The following CHODL variants were observed in gnomAD, a reference collection of about 807,000 sequenced individuals.
The protein encoded by CHODL is chondrolectin.
In CHODL, 29 loss-of-function variants were observed where a neutral mutation model predicts 34.5. The ratio of observed to expected loss-of-function variants is 0.84; its 90% CI spans 0.63 to 1.15. The LOEUF (loss-of-function observed/expected upper bound fraction) is 1.15. CHODL is among the 50% of genes most tolerant of loss of function. The pLI, the probability that CHODL is intolerant of heterozygous loss-of-function variation, is 0.00. For synonymous variants in CHODL, 125 were observed against 116.1 expected, an observed-to-expected ratio of 1.08 and a Z score of -0.49; for missense variants, 332 against 332.5, an observed-to-expected ratio of 1.00 and a Z score of 0.01.
rs142388783 is a variant in CHODL, at chr21:18,238,582, A to G, written c.-44-17927A>G. ...GGGTGGGGACACAGAGCCAAACCATACCAATGTGGTTATGTGAAAGTTCAG... is the reference window on the plus strand; with the variant it reads ...GGGTGGGGACACAGAGCCAAACCATGCCAATGTGGTTATGTGAAAGTTCAG... On this transcript the variant is annotated intron_variant, in intron 2 of 6. Transcript: ENST00000400127. 4.0e-3 allele frequency among the ~76,000 whole-genome samples: 605 copies of G among 152,202 alleles called. 4 individuals are homozygous for G. The highest frequency in any genetic ancestry group is 0.012 in the African/African-American group (516 of 41,538).
At chr21:18,116,311 CTCTTTCTCTT>C (rs1016047643) in intron 2 of CHODL, among the ~76,000 whole-genome samples, 2 of 152,038 alleles carry the variant, frequency 1.3e-5, no homozygotes, top group Non-Finnish European at 2.9e-5. Flanking sequence ...CTCTCTCTCT[CTCTTTCTCTT>C]TTCTCTTTTA....
intron 2 of CHODL, among the ~76,000 whole-genome samples, chr21:18,093,608 T>C (rs976952651): frequency 6.6e-6 from 1 of 152,156 alleles, no homozygotes; most frequent in Non-Finnish European, 1.5e-5. Flanking sequence ...AGTTAGAGTT[T>C]TATTAGTTTT....
At chr21:17,941,006 T>G (rs2063358554) in intron 1 of CHODL, among the ~76,000 whole-genome samples, 1 of 152,204 alleles carries the variant, frequency 6.6e-6, no homozygotes, top group South Asian at 2.1e-4. Flanking sequence ...TTAAGAGAAT[T>G]TTCAAGGTCC....
intron 1 of CHODL, among the ~76,000 whole-genome samples, chr21:17,953,722 A>G (rs1358833533): frequency 6.6e-6 from 1 of 152,170 alleles, no homozygotes; most frequent in African/African-American, 2.4e-5. Flanking sequence ...ATTTAAATAT[A>G]AAGACTAGTC....
chr21:17,997,696 G>A (rs2063864072), intron 1 of CHODL, among the ~76,000 whole-genome samples: 1 of 152,102 alleles, frequency 6.6e-6, no homozygotes, highest in Non-Finnish European at 1.5e-5. Flanking sequence ...AGGAAAAAGT[G>A]AAAACGGAAA....
At chr21:18,157,336 T>G (rs1393665535) in intron 2 of CHODL, among the ~76,000 whole-genome samples, 1 of 152,246 alleles carries the variant, frequency 6.6e-6, no homozygotes, top group Non-Finnish European at 1.5e-5. Flanking sequence ...ATTACCGTTA[T>G]GCACTTGGTA....
chr21:18,234,019 TG>T (rs1246944301), intron 2 of CHODL, among the ~76,000 whole-genome samples: 1 of 152,184 alleles, frequency 6.6e-6, no homozygotes, highest in Non-Finnish European at 1.5e-5. Context: ...CTTCTTAAAA[TG>T]CTGGAATAAA....
chr21:18,266,105 T>C lies in CHODL; in HGVS notation c.*67T>C, dbSNP rs1244430246. ...TGTATAAGGAATGGCATCAGAACAA[T>C]AGCTTGGAATGGCTTGAAATCACAA... On this transcript the variant is annotated 3_prime_UTR_variant, in exon 6 of 6. Coordinates refer to ENST00000299295, the MANE Select transcript of CHODL (RefSeq NM_024944.3). 1 of 1,612,434 alleles carries C rather than the reference T, an allele frequency of 6.2e-7. No individual in the cohort carries two copies. The highest frequency in any genetic ancestry group is 8.5e-7 in the Non-Finnish European group (1 of 1,179,064).
intron 2 of CHODL, among the ~76,000 whole-genome samples, chr21:18,101,010 T>C (rs2065206372): frequency 6.6e-6 from 1 of 152,198 alleles, no homozygotes; most frequent in African/African-American, 2.4e-5. Flanking sequence ...GAAATAGTGA[T>C]ATGGTTTGGC....
At chr21:18,092,380 G>A (rs2065084798) in intron 2 of CHODL, among the ~76,000 whole-genome samples, 1 of 152,188 alleles carries the variant, frequency 6.6e-6, no homozygotes, top group African/African-American at 2.4e-5. Flanking sequence ...AGCCCCGACT[G>A]TGAAGACTAC....
At chr21:17,942,626 A>G (rs546241176) in intron 1 of CHODL, among the ~76,000 whole-genome samples, 1 of 152,382 alleles carries the variant, frequency 6.6e-6, no homozygotes, top group South Asian at 2.1e-4. Context: ...ACATTTGATT[A>G]TATCAGAATT....
chr21:18,132,156 GT>G (rs2072663415), intron 2 of CHODL, among the ~76,000 whole-genome samples: 1 of 151,966 alleles, frequency 6.6e-6, no homozygotes, highest in Non-Finnish European at 1.5e-5. Context: ...ATATATACAT[GT>G]GCCGTGTGGG....
chr21:17,923,341 G>C (rs535844587), intron 1 of CHODL, among the ~76,000 whole-genome samples: 2 of 151,556 alleles, frequency 1.3e-5, no homozygotes, highest in African/African-American at 4.9e-5. Context: ...TATGAGGTAG[G>C]TGTAAGCATG....
chr21:18,078,228 G>T (rs2064890322), intron 2 of CHODL, among the ~76,000 whole-genome samples: 2 of 152,176 alleles, frequency 1.3e-5, no homozygotes, highest in Admixed American at 6.5e-5. Flanking sequence ...GTTCCACATG[G>T]CTGGGGAGGG....
At chr21:18,112,957 C>T (rs2065369271) in intron 2 of CHODL, among the ~76,000 whole-genome samples, 1 of 152,036 alleles carries the variant, frequency 6.6e-6, no homozygotes, top group African/African-American at 2.4e-5. Flanking sequence ...GCAAAGGAAG[C>T]AATCAACAAA....
At chr21:18,003,921 T>C (rs1056163648) in intron 1 of CHODL, among the ~76,000 whole-genome samples, 31 of 152,174 alleles carry the variant, frequency 2.0e-4, no homozygotes, top group Non-Finnish European at 3.5e-4. Flanking sequence ...ATAATTCTCA[T>C]TATATATTAC....
intron 1 of CHODL, among the ~76,000 whole-genome samples, chr21:17,990,976 C>T (rs1327528550): frequency 1.3e-5 from 2 of 151,914 alleles, no homozygotes; most frequent in Non-Finnish European, 2.9e-5. Flanking sequence ...ACCTTTTTTC[C>T]GAGGCTCAAG....
At chr21:18,010,383 A>G (rs2064007903) in intron 1 of CHODL, among the ~76,000 whole-genome samples, 1 of 151,874 alleles carries the variant, frequency 6.6e-6, no homozygotes, top group Non-Finnish European at 1.5e-5. Context: ...GGTGGGTCAA[A>G]TGTTAGCAAA....
chr21:18,082,482 G>T (rs1024693235), intron 2 of CHODL, among the ~76,000 whole-genome samples: 2 of 152,162 alleles, frequency 1.3e-5, no homozygotes, highest in South Asian at 2.1e-4. Context: ...AATGGGTAGA[G>T]GTTGCAAGAG....
Sources: gnomAD v4.1 joint callset for allele counts (sites outside exome capture counted in the v4.1 genomes callset) on GRCh38, gnomAD v4.1.1 for gene constraint, MANE v1.5 for transcripts, NCBI Gene and HGNC (gene_info 2026-07-23, HGNC 2026-07-21) for gene names.